Variants in ACACA observed in about 807,000 individuals in gnomAD.
The protein encoded by ACACA is acetyl-CoA carboxylase alpha.
A neutral mutation model predicts 296.1 loss-of-function variants in ACACA; 103 were observed. The observed-to-expected ratio is 0.35, with a 90% CI of 0.30 to 0.41. The LOEUF (loss-of-function observed/expected upper bound fraction) is 0.41, where lower values mean the gene tolerates loss of function less well. ACACA is among the 10% of genes least tolerant of loss of function. The pLI is 1.00. For missense variants in ACACA, 1,554 were observed against 2,989.7 expected, an observed-to-expected ratio of 0.52 and a Z score of 11.20; for synonymous variants, 953 against 1,038.6, an observed-to-expected ratio of 0.92 and a Z score of 1.58.
chr17:37,284,285 C>A (rs2082674252), intron 4 of ACACA, among the ~76,000 whole-genome samples: 1 of 152,150 alleles, frequency 6.6e-6, no homozygotes, highest in South Asian at 2.1e-4. Flanking sequence ...CACAGTGTAT[C>A]AAACTCTTTA....
intron 1 of ACACA, among the ~76,000 whole-genome samples, chr17:37,370,793 G>A (rs1033219563): frequency 3.3e-5 from 5 of 151,920 alleles, no homozygotes; most frequent in Non-Finnish European, 7.4e-5. Context: ...AGACCAGGCC[G>A]GCCAACATGG....
intron 16 of ACACA, among the ~76,000 whole-genome samples, chr17:37,250,520 C>G (rs973416980): frequency 3.3e-5 from 5 of 152,006 alleles, no homozygotes; most frequent in Non-Finnish European, 5.9e-5. Context: ...TGCCTGTAGT[C>G]CCAGCTACTC....
intron 3 of ACACA, chr17:37,299,720 T>C: frequency 9.9e-7 from 1 of 1,005,300 alleles, no homozygotes; most frequent in Non-Finnish European, 1.2e-6. Context: ...ACAGTCACTT[T>C]CTTCTGACAG....
chr17:37,085,343 GT>G lies in ACACA; in HGVS notation c.*1972del, dbSNP rs2072130475. On this transcript the variant is annotated 3_prime_UTR_variant, in exon 56 of 56. Coordinates refer to ENST00000616317, the MANE Select transcript of ACACA (RefSeq NM_198834.3). ...AGGGTTCTAGAGAGGAAACATACTC[GT>G]TTGTGTCATAATTTGGTGGGGAGAG... 2.9e-6 allele frequency: 1 copy of G among 340,612 alleles called. No homozygotes were observed. Among genetic ancestry groups the G allele is most frequent in the Non-Finnish European group, 5.3e-6 (1 of 189,648 alleles). The allele number at this position is 340,612 out of a possible 1,614,324, so 21.1% of individuals were successfully genotyped here. A position where few individuals can be genotyped will look rare whatever the true frequency, so the allele number is the denominator to read the frequency against.
At chr17:37,261,793 T>C (rs184540385) in intron 11 of ACACA, among the ~76,000 whole-genome samples, 257 of 152,340 alleles carry the variant, frequency 1.7e-3, no homozygotes, top group Admixed American at 4.3e-3. Flanking sequence ...AAAGGAGGAT[T>C]TGATAACTGC....
chr17:37,300,230 A>G (rs976559432), intron 3 of ACACA, among the ~76,000 whole-genome samples: 1 of 152,196 alleles, frequency 6.6e-6, no homozygotes, highest in African/African-American at 2.4e-5. Flanking sequence ...GCCTAGAAAG[A>G]CTACTTACTG....
rs770269045 is a variant in ACACA at position 37,241,907 on chromosome 17, A to G, written c.3032+46T>C. The stretch of plus-strand genomic sequence containing the variant: ...TTGTGACCACTTGAAAGAAAGGAAG[A>G]CATGAGTATGGACAGGTCTGGGAAT... On this transcript the variant is annotated intron_variant, in intron 23 of 55. Coordinates refer to ENST00000616317, the MANE Select transcript of ACACA (RefSeq NM_198834.3). 8.0e-6 allele frequency: 12 copies of G among 1,495,850 alleles called. No homozygotes were observed. The Admixed American group carries it at 2.0e-4, about 25-fold the overall frequency. The allele number at this position is 1,495,850 out of a possible 1,614,324, so 92.7% of individuals were successfully genotyped here.
chr17:37,100,626 C>A, intron 52 of ACACA, among the ~76,000 whole-genome samples: 1 of 142,130 alleles, frequency 7.0e-6, no homozygotes. Context: ...CTCAGACCGC[C>A]CCTCAAAAAA....
intron 19 of ACACA, 45 bp from the exon 20 acceptor site, chr17:37,245,259 C>T (rs1287730364): frequency 6.2e-7 from 1 of 1,602,852 alleles, no homozygotes; most frequent in African/African-American, 1.3e-5. Context: ...TCTCTTTACA[C>T]AGATGAGTGC....
chr17:37,286,755 A>G (rs2082793997), intron 3 of ACACA, among the ~76,000 whole-genome samples: 1 of 152,038 alleles, frequency 6.6e-6, no homozygotes. Flanking sequence ...TGGGCCTATC[A>G]ATCACCTGTC....
chr17:37,209,637 C>T (rs527496468), intron 30 of ACACA, among the ~76,000 whole-genome samples: 33 of 152,270 alleles, frequency 2.2e-4, no homozygotes, highest in African/African-American at 7.9e-4. Context: ...TATGATTAGT[C>T]TTGATTACTT....
At chr17:37,403,962 G>C (rs2051377972) in intron 1 of ACACA, among the ~76,000 whole-genome samples, 1 of 152,076 alleles carries the variant, frequency 6.6e-6, no homozygotes, top group Admixed American at 6.6e-5. Context: ...TAGCAGAGAT[G>C]GGTTTTCGCC....
At chr17:37,108,475 A>T (rs574475773) in intron 52 of ACACA, among the ~76,000 whole-genome samples, 2 of 151,162 alleles carry the variant, frequency 1.3e-5, no homozygotes, top group Non-Finnish European at 2.9e-5. Context: ...TGCAACCTCC[A>T]CCTCCCAGGT....
intron 1 of ACACA, among the ~76,000 whole-genome samples, chr17:37,383,956 C>T (rs1213237348): frequency 6.6e-6 from 1 of 152,152 alleles, no homozygotes; most frequent in Non-Finnish European, 1.5e-5. Flanking sequence ...AAGTGATAAA[C>T]CTCAAACAGG....
At chr17:37,157,531 C>CTTTTTTT (rs397687787) in intron 42 of ACACA, among the ~76,000 whole-genome samples, 85 of 90,478 alleles carry the variant, frequency 9.4e-4, no homozygotes, top group African/African-American at 1.8e-3. Context: ...ATCATTCTAT[C>CTTTTTTT]TTTTTTTTTT....
At chr17:37,365,318 A>G (rs751095483) in intron 1 of ACACA, 40 of 423,912 alleles carry the variant, frequency 9.4e-5, no homozygotes, top group Non-Finnish European at 1.2e-4. Flanking sequence ...TTAGCTCTCC[A>G]GTTAAATCCT....
Position 37,155,743 on chromosome 17 carries a change from T to G in ACACA, c.5387A>C (p.Lys1796Thr). 2 of 1,611,170 alleles carry G rather than the reference T, an allele frequency of 1.2e-6. No homozygotes were observed. The highest frequency in any genetic ancestry group is 1.1e-5 in the South Asian group (1 of 91,040). ...GACAGAGTTGAGAGCACTGACTCTC[T>G]TATAATCTTGAGGAGTCAGATATAA... is the stretch of plus-strand genomic sequence containing the variant. ...RYLYLTPQDYKRVSALNSVHC... is the reference protein window; with the variant it reads ...RYLYLTPQDYTRVSALNSVHC... Residue 1796 changes from lysine to threonine, a missense_variant, in exon 43 of 56, where the codon AAG becomes ACG. Physicochemically the swap from Lys to Thr is moderately conservative, Grantham distance 78. This residue lies in a region of ACACA where 553 missense variants were observed against 1,043.6 expected (regional missense o/e 0.53). Coordinates refer to ENST00000616317, the MANE Select transcript of ACACA (RefSeq NM_198834.3).
intron 3 of ACACA, among the ~76,000 whole-genome samples, chr17:37,315,599 G>A (rs530731562): frequency 6.6e-6 from 1 of 152,084 alleles, no homozygotes; most frequent in East Asian, 1.9e-4. Flanking sequence ...CCCCTTCCTC[G>A]TGTTTGATAA....
chr17:37,271,626 C>A (rs2245093), intron 9 of ACACA, among the ~76,000 whole-genome samples: 24,870 of 151,730 alleles, frequency 0.16, 2,748 homozygotes, highest in Admixed American at 0.33. Context: ...ATGCAGGCAT[C>A]CATGTATTAC....
Sources: allele counts gnomAD v4.1 joint callset (sites outside exome capture counted in the v4.1 genomes callset), GRCh38; gene constraint gnomAD v4.1.1; regional missense constraint gnomAD v4.1.1; transcripts MANE v1.5; gene names NCBI Gene and HGNC (gene_info 2026-07-23, HGNC 2026-07-21).